The following PRMT8 variants were observed in gnomAD, a reference collection of about 807,000 sequenced individuals.
The protein encoded by PRMT8 is protein arginine methyltransferase 8.
In PRMT8, 7 loss-of-function variants were observed where a neutral mutation model predicts 47.1. That is an observed-to-expected ratio of 0.15 (90% CI 0.08 to 0.28). The LOEUF (loss-of-function observed/expected upper bound fraction) is 0.28. Among genes scored for constraint, PRMT8 ranks in the 10% least tolerant of loss-of-function variants. The probability of loss-of-function intolerance (pLI) is 1.00; values close to 1 mark genes in which losing one functional copy is unlikely to be tolerated. For synonymous variants in PRMT8, 188 were observed against 186.5 expected (o/e 1.01, Z -0.07); for missense variants, 237 against 505.4 (o/e 0.47, Z 5.09).
intron 1 of PRMT8, among the ~76,000 whole-genome samples, chr12:3,433,036 C>T (rs1247476218): frequency 5.3e-5 from 8 of 152,184 alleles, no homozygotes; most frequent in Admixed American, 4.6e-4. Flanking sequence ...CCATACTGCT[C>T]TCCAGGATGT....
At chr12:3,520,793 T>C (rs919109616) in intron 1 of PRMT8, among the ~76,000 whole-genome samples, 4 of 152,218 alleles carry the variant, frequency 2.6e-5, no homozygotes, top group Non-Finnish European at 5.9e-5. Context: ...TGACACTATA[T>C]ATATTAATTC....
intron 1 of PRMT8, among the ~76,000 whole-genome samples, chr12:3,437,879 C>G (rs1864761584): frequency 6.6e-6 from 1 of 152,146 alleles, no homozygotes; most frequent in African/African-American, 2.4e-5. Context: ...GCTTCTAACG[C>G]AGGGCCTGAC....
chr12:3,404,881 G>T (rs975111798), intron 1 of PRMT8, among the ~76,000 whole-genome samples: 10 of 152,174 alleles, frequency 6.6e-5, no homozygotes, highest in Non-Finnish European at 1.5e-4. Flanking sequence ...ACCACTTTAT[G>T]ATTATGAAAT....
intron 1 of PRMT8, among the ~76,000 whole-genome samples, chr12:3,408,710 A>G (rs947141675): frequency 2.0e-4 from 30 of 152,158 alleles, no homozygotes; most frequent in African/African-American, 6.5e-4. Context: ...AAAACCTTAC[A>G]GAGTGGCTTT....
At chr12:3,383,743 A>G (rs1864113996) in intron 1 of PRMT8, among the ~76,000 whole-genome samples, 1 of 152,182 alleles carries the variant, frequency 6.6e-6, no homozygotes, top group Non-Finnish European at 1.5e-5. Context: ...GCTCTAGGGC[A>G]TTTTGTTACA....
At chr12:3,571,172 C>T (rs1866838047) in intron 6 of PRMT8, among the ~76,000 whole-genome samples, 2 of 152,148 alleles carry the variant, frequency 1.3e-5, no homozygotes, top group African/African-American at 2.4e-5. Flanking sequence ...CCTTTCTGCC[C>T]CTGGCTCTGG....
intron 1 of PRMT8, among the ~76,000 whole-genome samples, chr12:3,417,727 G>T (rs749291138): frequency 2.0e-5 from 3 of 152,200 alleles, no homozygotes; most frequent in Non-Finnish European, 4.4e-5. Flanking sequence ...CTTCACTCCA[G>T]TGAGGTTTAT....
chr12:3,565,885 C>T (rs1195631482), intron 4 of PRMT8, among the ~76,000 whole-genome samples: 1 of 152,096 alleles, frequency 6.6e-6, no homozygotes, highest in Non-Finnish European at 1.5e-5. Flanking sequence ...TCCTGCAGCT[C>T]CTAATAGAGT....
intron 1 of PRMT8, among the ~76,000 whole-genome samples, chr12:3,471,448 A>G (rs2137095357): frequency 6.6e-6 from 1 of 152,148 alleles, no homozygotes; most frequent in South Asian, 2.1e-4. Context: ...TCAGGTTTCC[A>G]TAAACACCAA....
intron 1 of PRMT8, among the ~76,000 whole-genome samples, chr12:3,388,778 C>T (rs537673029): frequency 7.2e-4 from 110 of 152,316 alleles, no homozygotes; most frequent in African/African-American, 7.0e-4. Flanking sequence ...TTTCTTATCT[C>T]GCTTGCTCCA....
chr12:3,396,608 G>T (rs1038087032), intron 1 of PRMT8, among the ~76,000 whole-genome samples: 1 of 152,144 alleles, frequency 6.6e-6, no homozygotes, highest in African/African-American at 2.4e-5. Context: ...GCTTCCCTTT[G>T]TGGGTAACCC....
At chr12:3,497,855 G>T (rs778626877) in intron 1 of PRMT8, among the ~76,000 whole-genome samples, 1 of 152,132 alleles carries the variant, frequency 6.6e-6, no homozygotes, top group Non-Finnish European at 1.5e-5. Context: ...TGTTAAAGTT[G>T]GGTGGAAACT....
intron 1 of PRMT8, among the ~76,000 whole-genome samples, chr12:3,435,822 C>T (rs1446660056): frequency 2.6e-5 from 4 of 152,126 alleles, no homozygotes; most frequent in Non-Finnish European, 5.9e-5. Flanking sequence ...GCCCGGCCAA[C>T]GTCGTGTGTT....
At chr12:3,393,520 T>C (rs1327709943) in intron 1 of PRMT8, among the ~76,000 whole-genome samples, 1 of 152,168 alleles carries the variant, frequency 6.6e-6, no homozygotes. Context: ...GATCAGATAG[T>C]TGTAGACATG....
In PRMT8 at chr12:3,566,505, C is replaced by G. The variant is rs1470392214; in HGVS notation, c.482-2201C>G. 6.6e-6 allele frequency among the ~76,000 whole-genome samples: 1 copy of G among 152,196 alleles called. No individual in the cohort carries two copies. The highest frequency in any genetic ancestry group is 1.5e-5 in the Non-Finnish European group (1 of 68,026). On this transcript the variant is annotated intron_variant, in intron 4 of 9. Coordinates refer to ENST00000382622, the MANE Select transcript of PRMT8 (RefSeq NM_019854.5). The surrounding 1 kb of genome is among the most constrained non-coding windows in gnomAD (Gnocchi z 4.7). ...AGTGACCAGGGTCAATGCATGTGTACAAAGTGTCTTACTCCTTGTAGAGCA... is the reference window on the plus strand; with the variant it reads ...AGTGACCAGGGTCAATGCATGTGTAGAAAGTGTCTTACTCCTTGTAGAGCA...
intron 4 of PRMT8, among the ~76,000 whole-genome samples, chr12:3,567,258 C>T (rs1251280451): frequency 6.6e-6 from 1 of 152,222 alleles, no homozygotes; most frequent in Non-Finnish European, 1.5e-5. Context: ...TATTGCTTTT[C>T]ATGGTTGTTC....
intron 1 of PRMT8, among the ~76,000 whole-genome samples, chr12:3,465,133 T>TATATATATATAATTTTTTTATAAAAAAAA (rs1565414384): frequency 1.0e-4 from 14 of 138,286 alleles, no homozygotes; most frequent in African/African-American, 3.9e-4. Context: ...AAAAAAAATA[T>TATATATATATAATTTTTTTATAAAAAAAA]ATATATATAT....
At position 3,491,521 on chromosome 12, in the gene PRMT8, T is replaced by C; in HGVS notation, c.-105T>C. ...CCGACGCTCCAGCTGAGGGGCTGGG[T>C]TGGATTTTTTTTTTTCTCCCATCCT... On this transcript the variant is annotated 5_prime_UTR_variant, in exon 1 of 10. Coordinates refer to ENST00000382622, the MANE Select transcript of PRMT8 (RefSeq NM_019854.5). 1 of 1,459,788 alleles carries C rather than the reference T, an allele frequency of 6.9e-7. No individual in the cohort carries two copies. The highest frequency in any genetic ancestry group is 1.4e-5 in the South Asian group (1 of 70,440). 90.4% of individuals were successfully genotyped at this position (1,459,788 alleles called of 1,614,324 possible).
chr12:3,541,120 G>A (rs138570272), intron 2 of PRMT8, among the ~76,000 whole-genome samples: 2 of 152,366 alleles, frequency 1.3e-5, no homozygotes, highest in East Asian at 3.9e-4. Flanking sequence ...GGGCTGGATA[G>A]CGCTGGTCTT....
Sources: gnomAD v4.1 joint callset for allele counts (sites outside exome capture counted in the v4.1 genomes callset) on GRCh38, gnomAD v4.1.1 for gene constraint, Gnocchi (gnomAD v3.1) non-coding constraint, MANE v1.5 for transcripts, NCBI Gene and HGNC (gene_info 2026-07-23, HGNC 2026-07-21) for gene names.